THSD7B: variants seen among roughly 807,000 people sequenced by gnomAD.
THSD7B encodes thrombospondin type 1 domain containing 7B, also known as thrombospondin type-1 domain-containing protein 7B.
THSD7B carries 138 observed loss-of-function variants against 213.6 expected under a neutral mutation model. The ratio of observed to expected loss-of-function variants is 0.65; its 90% confidence interval spans 0.56 to 0.74. The LOEUF (loss-of-function observed/expected upper bound fraction) is 0.74. THSD7B is among the 30% of genes least tolerant of loss of function. THSD7B has a pLI of 0.00. For missense variants in THSD7B, 1,931 were observed against 1,991.5 expected, an observed-to-expected ratio of 0.97 and a Z score of 0.58; for synonymous variants, 742 against 687.0, an observed-to-expected ratio of 1.08 and a Z score of -1.25.
rs764438277 is a variant in THSD7B, at chr2:136,978,340, T to C, written c.140-78080T>C. ...CAGAGCTGAGTTCAAGTCCTGAATA[T>C]CTTTGTTAATTTTCTGTGTCGATGA... On this transcript the variant is annotated intron_variant, in intron 2 of 27. Coordinates refer to ENST00000409968, the MANE Select transcript of THSD7B (RefSeq NM_001316349.2). Among the ~76,000 whole-genome samples, 28 of 152,298 alleles carry C rather than the reference T, an allele frequency of 1.8e-4. 1 individual carries two copies. The highest frequency in any genetic ancestry group is 3.8e-4 in the Non-Finnish European group (26 of 68,030).
At chr2:136,864,969 C>A (rs188705427) in intron 1 of THSD7B, among the ~76,000 whole-genome samples, 6 of 152,270 alleles carry the variant, frequency 3.9e-5, no homozygotes, top group African/African-American at 1.4e-4. Context: ...ATCAATATTA[C>A]CATGTGTCTA....
intron 2 of THSD7B, among the ~76,000 whole-genome samples, chr2:136,921,782 A>G (rs1399048657): frequency 6.6e-6 from 1 of 152,200 alleles, no homozygotes. Flanking sequence ...TGTCGTTTTC[A>G]TTACAGTCAA....
chr2:136,825,929 T>A (rs1456853474), intron 1 of THSD7B, among the ~76,000 whole-genome samples: 1 of 152,032 alleles, frequency 6.6e-6, no homozygotes, highest in Non-Finnish European at 1.5e-5. Context: ...AATCTCTCCA[T>A]CTCCAAGTCC....
At chr2:137,672,093 G>T (rs552257319) in intron 27 of THSD7B, among the ~76,000 whole-genome samples, 70 of 152,076 alleles carry the variant, frequency 4.6e-4, no homozygotes, top group South Asian at 1.5e-3. Context: ...ATTTGATAAA[G>T]ATTTATTGAG....
chr2:137,658,911 G>A (rs1683289692), intron 24 of THSD7B, among the ~76,000 whole-genome samples: 1 of 152,042 alleles, frequency 6.6e-6, no homozygotes, highest in African/African-American at 2.4e-5. Flanking sequence ...CTATATAAAT[G>A]GTGCTTTGTC....
At chr2:136,955,763 C>T (rs1418893947) in intron 2 of THSD7B, among the ~76,000 whole-genome samples, 1 of 152,092 alleles carries the variant, frequency 6.6e-6, no homozygotes, top group Admixed American at 6.5e-5. Flanking sequence ...ATGTTTTCTC[C>T]TGCCTCAGCC....
chr2:136,798,524 A>G (rs1682112456), intron 1 of THSD7B, among the ~76,000 whole-genome samples: 1 of 151,976 alleles, frequency 6.6e-6, no homozygotes, highest in Non-Finnish European at 1.5e-5. Context: ...TGCATATTCC[A>G]GAATGGTTAG....
At chr2:137,602,683 G>A (rs1682098413) in intron 17 of THSD7B, among the ~76,000 whole-genome samples, 1 of 152,120 alleles carries the variant, frequency 6.6e-6, no homozygotes. Flanking sequence ...TCAGTGGTGG[G>A]GGACAAGTTT....
chr2:136,792,834 A>G (rs1408230031), intron 1 of THSD7B, among the ~76,000 whole-genome samples: 2 of 152,022 alleles, frequency 1.3e-5, no homozygotes, highest in Non-Finnish European at 2.9e-5. Context: ...AAATGGAATC[A>G]TACAAATACA....
chr2:136,999,486 A>G (rs767491876), intron 2 of THSD7B, among the ~76,000 whole-genome samples: 6 of 151,542 alleles, frequency 4.0e-5, no homozygotes, highest in South Asian at 2.1e-4. Context: ...TTCAAGCATG[A>G]TATTGATTTT....
intron 7 of THSD7B, among the ~76,000 whole-genome samples, chr2:137,194,350 C>T (rs907794839): frequency 1.3e-5 from 2 of 152,198 alleles, no homozygotes; most frequent in Non-Finnish European, 2.9e-5. Flanking sequence ...AAAGAGACTT[C>T]CCTGTGTATG....
At chr2:136,945,444 T>C (rs1436346527) in intron 2 of THSD7B, among the ~76,000 whole-genome samples, 1 of 152,188 alleles carries the variant, frequency 6.6e-6, no homozygotes, top group Non-Finnish European at 1.5e-5. Flanking sequence ...GACAATTATG[T>C]GTCTTTGGGT....
At chr2:136,941,269 G>T (rs1573723343) in intron 2 of THSD7B, among the ~76,000 whole-genome samples, 1 of 152,264 alleles carries the variant, frequency 6.6e-6, no homozygotes, top group Admixed American at 6.5e-5. Flanking sequence ...TGGACATTTG[G>T]GTTGGTTCCA....
intron 2 of THSD7B, among the ~76,000 whole-genome samples, chr2:136,968,712 T>C (rs1685359215): frequency 6.6e-6 from 1 of 152,132 alleles, no homozygotes; most frequent in Non-Finnish European, 1.5e-5. Context: ...TCCTATATCA[T>C]TTTTTAAAAG....
chr2:136,829,634 G>A (rs1476895301), intron 1 of THSD7B, among the ~76,000 whole-genome samples: 1 of 152,048 alleles, frequency 6.6e-6, no homozygotes, highest in African/African-American at 2.4e-5. Flanking sequence ...TTTAAATTTG[G>A]AGAAGAAAGA....
chr2:137,319,785 C>G (rs150677847), intron 12 of THSD7B, among the ~76,000 whole-genome samples: 1 of 152,066 alleles, frequency 6.6e-6, no homozygotes, highest in Non-Finnish European at 1.5e-5. Context: ...CTTAAAAAAT[C>G]ATTGTTTTCC....
intron 3 of THSD7B, among the ~76,000 whole-genome samples, chr2:137,073,143 C>G (rs1440571514): frequency 6.6e-6 from 1 of 150,638 alleles, no homozygotes; most frequent in Non-Finnish European, 1.5e-5. Context: ...AGGATTCCCT[C>G]TTTTTCTATT....
At chr2:136,902,248 G>A (rs774198113) in intron 2 of THSD7B, among the ~76,000 whole-genome samples, 1 of 152,176 alleles carries the variant, frequency 6.6e-6, no homozygotes, top group Non-Finnish European at 1.5e-5. Context: ...GTCTTGTTTA[G>A]GATGACTAAA....
At chr2:137,433,466 C>T (rs373516583) in intron 14 of THSD7B, among the ~76,000 whole-genome samples, 17 of 151,988 alleles carry the variant, frequency 1.1e-4, no homozygotes, top group African/African-American at 4.1e-4. Flanking sequence ...AAGTGATTCT[C>T]CTGCCTCAGC....
Sources: allele counts gnomAD v4.1 joint callset (sites outside exome capture counted in the v4.1 genomes callset), GRCh38; gene constraint gnomAD v4.1.1; transcripts MANE v1.5; gene names NCBI Gene and HGNC (gene_info 2026-07-23, HGNC 2026-07-21).